Variants in MSI2 observed in about 807,000 individuals in gnomAD.
MSI2 encodes the protein RNA-binding protein Musashi homolog 2.
In MSI2, 17 loss-of-function variants were observed where a neutral mutation model predicts 45.6. That is an observed-to-expected ratio of 0.37 (90% CI 0.26 to 0.56). The LOEUF is 0.56. MSI2 is among the 20% of genes least tolerant of loss of function. The probability of loss-of-function intolerance (pLI) is 0.77; values close to 1 mark genes in which losing one functional copy is unlikely to be tolerated. For synonymous variants in MSI2, 156 were observed against 158.2 expected, an observed-to-expected ratio of 0.99 and a Z score of 0.11; for missense variants, 293 against 444.2, an observed-to-expected ratio of 0.66 and a Z score of 3.06.
intron 5 of MSI2, among the ~76,000 whole-genome samples, chr17:57,326,558 C>T (rs867949548): frequency 5.3e-5 from 8 of 152,126 alleles, no homozygotes; most frequent in African/African-American, 1.4e-4. Flanking sequence ...CCTTAGAGGC[C>T]TCATGATTAA....
chr17:57,338,725 A>G (rs937559600), intron 5 of MSI2, among the ~76,000 whole-genome samples: 26 of 152,022 alleles, frequency 1.7e-4, no homozygotes, highest in African/African-American at 5.8e-4. Flanking sequence ...GGTCCCTGCT[A>G]TGGCTTTTTA....
intron 7 of MSI2, among the ~76,000 whole-genome samples, chr17:57,585,148 G>A (rs1463894553): frequency 1.3e-5 from 2 of 152,110 alleles, no homozygotes; most frequent in Admixed American, 1.3e-4. Flanking sequence ...AAGTAACAAG[G>A]TGACCTAGGA....
At chr17:57,503,701 C>T (rs2086165138) in intron 6 of MSI2, among the ~76,000 whole-genome samples, 1 of 152,188 alleles carries the variant, frequency 6.6e-6, no homozygotes. Context: ...AGATGTGGTT[C>T]CTGTTCACAG....
chr17:57,478,333 G>A (rs2143732197), intron 6 of MSI2, among the ~76,000 whole-genome samples: 1 of 152,360 alleles, frequency 6.6e-6, no homozygotes. Context: ...TGCTGGCTCT[G>A]ATGTACATCT....
Position 57,342,916 on chromosome 17 carries a change from T to C in MSI2, c.313-58463T>C, listed in dbSNP as rs190651208. Among the ~76,000 whole-genome samples, 390 of 152,350 alleles carry C rather than the reference T, an allele frequency of 2.6e-3. 2 individuals carry two copies. The highest frequency in any genetic ancestry group is 9.1e-3 in the African/African-American group (379 of 41,588). ...ATACACACACATTTTGAAATAGTCA[T>C]TGATTACTTTGGGGATTGTGTTTAA... On this transcript the variant is annotated intron_variant, in intron 5 of 13. Transcript: ENST00000284073.
At chr17:57,319,092 G>A (rs1300997697) in intron 5 of MSI2, among the ~76,000 whole-genome samples, 2 of 152,246 alleles carry the variant, frequency 1.3e-5, no homozygotes, top group Non-Finnish European at 2.9e-5. Context: ...CTGGTGATGG[G>A]GAGCAGCCGG....
chr17:57,303,766 C>T (rs565161357), intron 5 of MSI2, among the ~76,000 whole-genome samples: 3 of 152,306 alleles, frequency 2.0e-5, no homozygotes, highest in South Asian at 4.1e-4. Flanking sequence ...AACTTACAAA[C>T]TATTATGGGA....
intron 5 of MSI2, among the ~76,000 whole-genome samples, chr17:57,306,566 C>T (rs1028029934): frequency 5.9e-5 from 9 of 152,158 alleles, no homozygotes; most frequent in Admixed American, 5.9e-4. Flanking sequence ...AAGGGTGTGA[C>T]ACTGTCATTT....
At chr17:57,510,816 T>C (rs921195223) in intron 6 of MSI2, among the ~76,000 whole-genome samples, 2 of 152,180 alleles carry the variant, frequency 1.3e-5, no homozygotes, top group African/African-American at 2.4e-5. Flanking sequence ...TTTTAGAAAA[T>C]AGGCTTATGG....
chr17:57,611,432 T>C (rs1907199647), intron 8 of MSI2, among the ~76,000 whole-genome samples: 1 of 95,624 alleles, frequency 1.0e-5, no homozygotes, highest in Admixed American at 1.0e-4. Context: ...AGCCAGAGTG[T>C]GAGGAGTGCC....
chr17:57,264,629 A>T (rs1032583917), intron 5 of MSI2: 1 of 152,264 alleles, frequency 6.6e-6, no homozygotes, highest in African/African-American at 2.4e-5. Flanking sequence ...CAGAGACTTT[A>T]TTAATCCATT....
intron 7 of MSI2, among the ~76,000 whole-genome samples, chr17:57,563,489 G>C (rs1486915661): frequency 1.3e-5 from 2 of 152,126 alleles, no homozygotes; most frequent in Non-Finnish European, 2.9e-5. Context: ...AAGATCCCAG[G>C]CAAGCTAGAA....
intron 6 of MSI2, among the ~76,000 whole-genome samples, chr17:57,443,575 A>G (rs1423306259): frequency 6.6e-6 from 1 of 152,128 alleles, no homozygotes; most frequent in Non-Finnish European, 1.5e-5. Flanking sequence ...AGAGGGGAGC[A>G]CTGGGTGCCT....
At chr17:57,674,934 T>C (rs748989216) in intron 11 of MSI2, 38 bp from the exon 12 acceptor site, 2 of 1,611,224 alleles carry the variant, frequency 1.2e-6, no homozygotes, top group Non-Finnish European at 1.7e-6. Context: ...ATAGCTACAG[T>C]GCTCAACCGA....
In MSI2 at chr17:57,596,502, G is replaced by A. The variant is rs1401743271; in HGVS notation, c.455-366G>A. On this transcript the variant is annotated intron_variant, in intron 7 of 13. Transcript: ENST00000284073. This position sits in a 1 kb window ranked among gnomAD's most constrained non-coding sequence, Gnocchi z 4.6. ...AGGGCTGCTCGCGGAAAGGGCAAGCGTGGCCCCGCAGTGATCCACGAGGCT... is the reference window on the plus strand; with the variant it reads ...AGGGCTGCTCGCGGAAAGGGCAAGCATGGCCCCGCAGTGATCCACGAGGCT... 1.3e-5 allele frequency among the ~76,000 whole-genome samples: 2 copies of A among 152,238 alleles called. No homozygotes were observed. The highest frequency in any genetic ancestry group is 2.9e-5 in the Non-Finnish European group (2 of 68,034).
intron 6 of MSI2, among the ~76,000 whole-genome samples, chr17:57,447,707 G>A (rs542067730): frequency 2.0e-5 from 3 of 152,158 alleles, no homozygotes; most frequent in Admixed American, 6.5e-5. Flanking sequence ...AGGAGTGCAC[G>A]ACCCAGTGCC....
chr17:57,534,670 G>T, intron 7 of MSI2, among the ~76,000 whole-genome samples: 1 of 152,144 alleles, frequency 6.6e-6, no homozygotes. Context: ...AGCCGAGATG[G>T]CGCCATTGCA....
chr17:57,519,294 A>T (rs1254666964), intron 6 of MSI2, among the ~76,000 whole-genome samples: 1 of 152,138 alleles, frequency 6.6e-6, no homozygotes, highest in Non-Finnish European at 1.5e-5. Context: ...GATTGCCAGG[A>T]TGGGGCAGTG....
chr17:57,335,919 A>G (rs946679902), intron 5 of MSI2, among the ~76,000 whole-genome samples: 1 of 152,226 alleles, frequency 6.6e-6, no homozygotes, highest in African/African-American at 2.4e-5. Flanking sequence ...CTGGACAGAC[A>G]GGAAGATCAG....
Sources: gnomAD v4.1 joint callset for allele counts (sites outside exome capture counted in the v4.1 genomes callset) on GRCh38, gnomAD v4.1.1 for gene constraint, Gnocchi (gnomAD v3.1) non-coding constraint, MANE v1.5 for transcripts, NCBI Gene and HGNC (gene_info 2026-07-23, HGNC 2026-07-21) for gene names.